The following MAP4K4 variants were observed in gnomAD, a reference collection of about 807,000 sequenced individuals.
MAP4K4 encodes mitogen-activated protein kinase kinase kinase kinase 4, also known as HPK/GCK-like kinase HGK.
MAP4K4 carries 38 observed loss-of-function variants against 189.6 expected under a neutral mutation model. That is an observed-to-expected ratio of 0.20 (90% CI 0.15 to 0.26). The LOEUF (loss-of-function observed/expected upper bound fraction) is 0.26, where lower values mean the gene tolerates loss of function less well. MAP4K4 is among the 10% of genes least tolerant of loss of function. The pLI is 1.00. For synonymous variants in MAP4K4, 610 were observed against 624.3 expected (o/e 0.98, Z 0.34); for missense variants, 1,054 against 1,726.9 (o/e 0.61, Z 6.91).
intron 2 of MAP4K4, among the ~76,000 whole-genome samples, chr2:101,717,391 A>G (rs1198919967): frequency 1.3e-5 from 2 of 152,236 alleles, no homozygotes; most frequent in South Asian, 2.1e-4. Flanking sequence ...GTGTTGGAAG[A>G]TGACGTTTGA....
Position 101,704,239 on chromosome 2 carries a change from CAT to C in MAP4K4, c.123+5703_123+5704del, listed in dbSNP as rs548815598. On this transcript the variant is annotated intron_variant, in intron 2 of 32. Coordinates refer to ENST00000324219, the Ensembl canonical transcript of MAP4K4. Reference sequence around the variant, plus strand: ...AGGCATGTTCAGGCTTGTTCTGAGACATAGATTTCCTTCATGTGGAAGATTCT... The same window carrying C: ...AGGCATGTTCAGGCTTGTTCTGAGACAGATTTCCTTCATGTGGAAGATTCT... 1.5e-3 allele frequency among the ~76,000 whole-genome samples: 225 copies of C among 152,124 alleles called. 1 individual carries two copies. The highest frequency in any genetic ancestry group is 4.8e-3 in the African/African-American group (200 of 41,494).
At chr2:101,723,632 A>G (rs1356156027) in intron 2 of MAP4K4, among the ~76,000 whole-genome samples, 6 of 152,218 alleles carry the variant, frequency 3.9e-5, no homozygotes, top group Non-Finnish European at 7.3e-5. Context: ...GAGTTTTCAC[A>G]TTAAGAAGCT....
intron 26 of MAP4K4, among the ~76,000 whole-genome samples, chr2:101,875,118 A>C (rs1219252823): frequency 6.6e-6 from 1 of 152,182 alleles, no homozygotes; most frequent in Non-Finnish European, 1.5e-5. Context: ...TTGAAATGGT[A>C]TCTGTCTGGC....
intron 2 of MAP4K4, among the ~76,000 whole-genome samples, chr2:101,769,355 A>G (rs920832467): frequency 6.6e-6 from 1 of 152,154 alleles, no homozygotes; most frequent in African/African-American, 2.4e-5. Flanking sequence ...TGGTGCTTAC[A>G]GACATGAAAG....
chr2:101,759,081 C>T lies in MAP4K4; in HGVS notation c.124-31639C>T, dbSNP rs532917494. Among the ~76,000 whole-genome samples the T allele has an allele frequency of 4.1e-3, 615 of 150,206 alleles. 4 individuals are homozygous for T. Among genetic ancestry groups the T allele is most frequent in the African/African-American group, 0.014 (589 of 40,702 alleles). On this transcript the variant is annotated intron_variant, in intron 2 of 32. Coordinates refer to ENST00000324219, the Ensembl canonical transcript of MAP4K4. Reference sequence around the variant, plus strand: ...CCGGGAGGCGGAGCTTGCAGTGAGCCGAGATCGCGTCACTGCACTCCAGCC... The same window carrying T: ...CCGGGAGGCGGAGCTTGCAGTGAGCTGAGATCGCGTCACTGCACTCCAGCC...
chr2:101,714,804 A>G (rs1328399504), intron 2 of MAP4K4, among the ~76,000 whole-genome samples: 1 of 152,234 alleles, frequency 6.6e-6, no homozygotes, highest in Non-Finnish European at 1.5e-5. Flanking sequence ...GATTTGTTCC[A>G]TAGGCTGCAG....
At chr2:101,770,555 G>A (rs62156892) in intron 2 of MAP4K4, among the ~76,000 whole-genome samples, 18,076 of 152,212 alleles carry the variant, frequency 0.12, 1,379 homozygotes, top group South Asian at 0.18. Context: ...GGGATTACAG[G>A]TGTGAACCAC....
exon 20 of MAP4K4, chr2:101,867,223 T>G (rs769673892): frequency 6.2e-7 from 1 of 1,602,064 alleles, no homozygotes; most frequent in South Asian, 1.1e-5. Flanking sequence ...ATCATCCAAG[T>G]CTGAAGGCTC....
At chr2:101,751,515 C>G (rs982087110) in intron 2 of MAP4K4, among the ~76,000 whole-genome samples, 2 of 152,128 alleles carry the variant, frequency 1.3e-5, no homozygotes, top group Non-Finnish European at 2.9e-5. Flanking sequence ...TTTAAGGTGC[C>G]TTTCTTCATT....
intron 2 of MAP4K4, among the ~76,000 whole-genome samples, chr2:101,743,625 A>G (rs1335013970): frequency 1.3e-5 from 2 of 152,068 alleles, no homozygotes; most frequent in Non-Finnish European, 2.9e-5. Context: ...AAATACCTCT[A>G]CATTTTAAAC....
At chr2:101,737,638 C>A (rs938010892) in intron 2 of MAP4K4, among the ~76,000 whole-genome samples, 1 of 151,302 alleles carries the variant, frequency 6.6e-6, no homozygotes. Context: ...TGCACACATT[C>A]AAGATAATCT....
intron 2 of MAP4K4, among the ~76,000 whole-genome samples, chr2:101,783,534 C>T (rs1373773368): frequency 3.3e-5 from 5 of 152,176 alleles, no homozygotes; most frequent in Non-Finnish European, 7.3e-5. Flanking sequence ...ACCCCAGTTA[C>T]ACAGTTCTTA....
intron 29 of MAP4K4, among the ~76,000 whole-genome samples, chr2:101,886,768 G>A (rs114074110): frequency 0.013 from 2,008 of 152,280 alleles, 61 homozygotes; most frequent in African/African-American, 0.045. Flanking sequence ...CCGGCCGGGC[G>A]TGGTGGCTCA....
intron 2 of MAP4K4, among the ~76,000 whole-genome samples, chr2:101,778,906 C>T (rs574899706): frequency 6.6e-6 from 1 of 152,284 alleles, no homozygotes; most frequent in Admixed American, 6.5e-5. Flanking sequence ...CCAGACACAC[C>T]TGAGTCGGAA....
intron 2 of MAP4K4, among the ~76,000 whole-genome samples, chr2:101,760,340 T>A (rs1176412279): frequency 1.3e-5 from 2 of 151,586 alleles, no homozygotes; most frequent in Non-Finnish European, 2.9e-5. Context: ...AATACAAAAA[T>A]TAGCCAGATG....
chr2:101,784,537 T>A (rs115673344), intron 2 of MAP4K4, among the ~76,000 whole-genome samples: 1,634 of 152,264 alleles, frequency 0.011, 40 homozygotes, highest in African/African-American at 0.037. Context: ...AGCATTAATT[T>A]ATGATGAGAT....
At position 101,873,864 on chromosome 2, in the gene MAP4K4, G is replaced by A. The variant is rs539165038; in HGVS notation, c.3070+100G>A. The A allele has an allele frequency of 3.0e-4, 266 of 889,012 alleles. 1 individual carries two copies. The highest frequency in any genetic ancestry group is 4.0e-4 in the Non-Finnish European group (229 of 574,184). The allele number at this position is 889,012 out of a possible 1,614,324, so 55.1% of individuals were successfully genotyped here. ...GTGTAGCTGGTTGTTCACAGGCACA[G>A]ACCTCGGGTACAGAAACTTCCCATC... On this transcript the variant is annotated intron_variant, in intron 25 of 32. Transcript: ENST00000324219.
At position 101,876,964 on chromosome 2, in the gene MAP4K4, A is replaced by G. The variant is rs553081126; in HGVS notation, c.3242-39A>G. The G allele has an allele frequency of 1.4e-5, 23 of 1,610,168 alleles. No individual in the cohort carries two copies. The East Asian group carries it at 3.1e-4, about 22-fold the overall frequency. On this transcript the variant is annotated intron_variant, in intron 26 of 32. Coordinates refer to ENST00000324219, the Ensembl canonical transcript of MAP4K4. ...TATACAACCTGGGGATTTGCCAAGC[A>G]CAGCATAAAATTGAGGCCTTTCTGT...
At chr2:101,740,165 T>G (rs1220319062) in intron 2 of MAP4K4, among the ~76,000 whole-genome samples, 2 of 98,720 alleles carry the variant, frequency 2.0e-5, no homozygotes, top group Non-Finnish European at 3.4e-5. Flanking sequence ...TTTTTTTTTT[T>G]TTTTTTGAGA....
Sources: allele counts gnomAD v4.1 joint callset (sites outside exome capture counted in the v4.1 genomes callset), GRCh38; gene constraint gnomAD v4.1.1; transcripts MANE v1.5; gene names NCBI Gene and HGNC (gene_info 2026-07-23, HGNC 2026-07-21).